The following NRG1 variants were observed in gnomAD, a reference collection of about 807,000 sequenced individuals.
NRG1 encodes neuregulin 1, also known as pro-neuregulin-1, membrane-bound isoform.
In NRG1, 18 loss-of-function variants were observed where a neutral mutation model predicts 63.8. That is an observed-to-expected ratio of 0.28 (90% confidence interval 0.19 to 0.42). The LOEUF (loss-of-function observed/expected upper bound fraction) is 0.42, where lower values mean the gene tolerates loss of function less well. Among genes scored for constraint, NRG1 ranks in the 10% least tolerant of loss-of-function variants. The pLI, the probability that NRG1 is intolerant of heterozygous loss-of-function variation, is 1.00. For missense variants in NRG1, 762 were observed against 814.7 expected (o/e 0.94, Z 0.79); for synonymous variants, 302 against 301.3 (o/e 1.00, Z -0.02).
At chr8:32,769,796 C>G (rs1341169384), downstream of NRG1, among the ~76,000 whole-genome samples, 1 of 152,086 alleles carries the variant, frequency 6.6e-6, no homozygotes, top group Non-Finnish European at 1.5e-5. Context: ...GGTGGTCATG[C>G]CCTCCCCTGC....
At chr8:31,773,589 A>T (rs1818837755) in intron 1 of NRG1, among the ~76,000 whole-genome samples, 1 of 152,158 alleles carries the variant, frequency 6.6e-6, no homozygotes, top group Admixed American at 6.6e-5. Context: ...AGCCAGAGGG[A>T]TCTTTTAAAA....
intron 1 of NRG1, among the ~76,000 whole-genome samples, chr8:31,650,362 A>T (rs1159369167): frequency 6.6e-6 from 1 of 152,112 alleles, no homozygotes; most frequent in African/African-American, 2.4e-5. Flanking sequence ...CTCAACATTC[A>T]ATATCCTCCT....
chr8:32,074,853 T>C (rs1007302700), intron 1 of NRG1, among the ~76,000 whole-genome samples: 2 of 152,212 alleles, frequency 1.3e-5, no homozygotes, highest in Admixed American at 6.5e-5. Context: ...TTTTTTCTTT[T>C]CAATCAATAT....
intron 1 of NRG1, among the ~76,000 whole-genome samples, chr8:32,022,005 T>A (rs1001294162): frequency 6.6e-6 from 1 of 152,204 alleles, no homozygotes; most frequent in Non-Finnish European, 1.5e-5. Flanking sequence ...CTATTTATTG[T>A]TCTAGATTTG....
At chr8:31,785,054 CAAG>C (rs1820045269) in intron 1 of NRG1, among the ~76,000 whole-genome samples, 2 of 152,130 alleles carry the variant, frequency 1.3e-5, no homozygotes, top group African/African-American at 4.8e-5. Context: ...GTTAAGTCCA[CAAG>C]AAGGCTTTTC....
chr8:32,159,933 G>A (rs936413908), intron 1 of NRG1, among the ~76,000 whole-genome samples: 6 of 152,148 alleles, frequency 3.9e-5, no homozygotes, highest in Non-Finnish European at 1.5e-5. Flanking sequence ...AGTCAATTTG[G>A]CACAACAGCA....
At chr8:32,290,508 G>T (rs1854063972) in intron 1 of NRG1, among the ~76,000 whole-genome samples, 1 of 151,968 alleles carries the variant, frequency 6.6e-6, no homozygotes, top group South Asian at 2.1e-4. Context: ...AGCTCTCTCA[G>T]CTTTCCGAGA....
intron 5 of NRG1, among the ~76,000 whole-genome samples, chr8:32,677,809 T>C (rs1393769531): frequency 6.6e-6 from 1 of 152,172 alleles, no homozygotes; most frequent in Non-Finnish European, 1.5e-5. Context: ...TTATCAGCCT[T>C]TCCTTCCAAT....
chr8:32,263,697 C>CT (rs1467117521), intron 1 of NRG1, among the ~76,000 whole-genome samples: 1 of 152,188 alleles, frequency 6.6e-6, no homozygotes, highest in Non-Finnish European at 1.5e-5. Context: ...ACTCACATAA[C>CT]TGTGAAGCTT....
At chr8:31,975,220 C>T (rs1271394861) in intron 1 of NRG1, among the ~76,000 whole-genome samples, 2 of 152,078 alleles carry the variant, frequency 1.3e-5, no homozygotes, top group African/African-American at 4.8e-5. Flanking sequence ...AAAGAAGGTT[C>T]GGAGAGGTGG....
intron 1 of NRG1, among the ~76,000 whole-genome samples, chr8:32,550,377 AG>A (rs1281593119): frequency 6.6e-6 from 1 of 152,170 alleles, no homozygotes; most frequent in Non-Finnish European, 1.5e-5. Flanking sequence ...AGGTCATCAT[AG>A]TACATTACGG....
At chr8:32,417,645 T>C (rs6468102) in intron 1 of NRG1, among the ~76,000 whole-genome samples, 64,397 of 151,428 alleles carry the variant, frequency 0.43, 13,895 homozygotes, top group Admixed American at 0.46. Context: ...TATAGAGTCA[T>C]TATCTTTTCA....
At chr8:32,555,762 C>G (rs11991469) in intron 1 of NRG1, among the ~76,000 whole-genome samples, 59,806 of 152,166 alleles carry the variant, frequency 0.39, 12,833 homozygotes, top group Admixed American at 0.49. Context: ...TGAGCCACCG[C>G]GCCCGGCGGG....
At chr8:32,417,901 A>G (rs536922869) in intron 1 of NRG1, among the ~76,000 whole-genome samples, 2 of 152,160 alleles carry the variant, frequency 1.3e-5, no homozygotes, top group Non-Finnish European at 2.9e-5. Flanking sequence ...TATTCACCAT[A>G]ATATTTGTTG....
chr8:32,231,878 G>T (rs1024824479), intron 1 of NRG1, among the ~76,000 whole-genome samples: 2 of 144,258 alleles, frequency 1.4e-5, no homozygotes, highest in Non-Finnish European at 3.0e-5. Flanking sequence ...CTGGGCAACA[G>T]ATCAGGACTC....
At chr8:32,182,231 G>C (rs1841508122) in intron 1 of NRG1, among the ~76,000 whole-genome samples, 1 of 151,948 alleles carries the variant, frequency 6.6e-6, no homozygotes, top group African/African-American at 2.4e-5. Flanking sequence ...TGGAGAACTG[G>C]AACCTGTGGA....
At chr8:32,075,651 CTTTTTTTTTTTTTTTT>C (rs200354474) in intron 1 of NRG1, among the ~76,000 whole-genome samples, 2 of 150,296 alleles carry the variant, frequency 1.3e-5, no homozygotes, top group African/African-American at 5.0e-5. Flanking sequence ...ATATTTTAAC[CTTTTTTTTTTTTTTTT>C]TTTTTTTTTT....
intron 1 of NRG1, among the ~76,000 whole-genome samples, chr8:32,249,402 C>T (rs897653870): frequency 6.6e-5 from 10 of 152,238 alleles, no homozygotes; most frequent in African/African-American, 2.4e-4. Flanking sequence ...AGAGTGGACA[C>T]AGAATCACAA....
exon 1 of NRG1, chr8:32,548,785 C>T: frequency 6.3e-7 from 1 of 1,588,606 alleles, no homozygotes; most frequent in Non-Finnish European, 8.6e-7. Flanking sequence ...GAGCGAGGCT[C>T]CGGCAAGAAG....
Sources: allele counts gnomAD v4.1 joint callset (sites outside exome capture counted in the v4.1 genomes callset), GRCh38; gene constraint gnomAD v4.1.1; transcripts MANE v1.5; gene names NCBI Gene and HGNC (gene_info 2026-07-23, HGNC 2026-07-21).